SEMA3A: variants seen among roughly 807,000 people sequenced by gnomAD.
SEMA3A encodes semaphorin-3A.
SEMA3A carries 29 observed loss-of-function variants against 97.9 expected under a neutral mutation model. The ratio of observed to expected loss-of-function variants is 0.30; its 90% CI spans 0.22 to 0.40. SEMA3A has a LOEUF of 0.40. Ranked by LOEUF, SEMA3A falls within the 10% of genes least tolerant of loss-of-function variation. The pLI, the probability that SEMA3A is intolerant of heterozygous loss-of-function variation, is 1.00. For synonymous variants in SEMA3A, 321 were observed against 323.7 expected (o/e 0.99, Z 0.09); for missense variants, 763 against 951.3 (o/e 0.80, Z 2.60).
chr7:84,246,963 G>A (rs1056232871), intron 3 of SEMA3A, among the ~76,000 whole-genome samples: 2 of 151,926 alleles, frequency 1.3e-5, no homozygotes, highest in African/African-American at 4.8e-5. Flanking sequence ...TAATACAAAG[G>A]GATGACATGA....
chr7:84,468,386 G>C (rs1446335591), intron 1 of SEMA3A, among the ~76,000 whole-genome samples: 2 of 152,098 alleles, frequency 1.3e-5, no homozygotes, highest in Non-Finnish European at 2.9e-5. Context: ...TTATGTAATG[G>C]TTATAACTAC....
At chr7:84,094,637 G>A (rs1794699029) in intron 4 of SEMA3A, among the ~76,000 whole-genome samples, 1 of 151,786 alleles carries the variant, frequency 6.6e-6, no homozygotes, top group South Asian at 2.1e-4. Context: ...ACGTGATAGT[G>A]GAATCTATGT....
intron 3 of SEMA3A, among the ~76,000 whole-genome samples, chr7:84,262,484 G>C (rs1172988257): frequency 6.6e-6 from 1 of 152,162 alleles, no homozygotes; most frequent in Non-Finnish European, 1.5e-5. Flanking sequence ...CAAAGGCTGG[G>C]ATTACAGGTG....
chr7:84,029,049 T>C (rs1584566678), intron 6 of SEMA3A, among the ~76,000 whole-genome samples: 1 of 152,328 alleles, frequency 6.6e-6, no homozygotes, highest in South Asian at 2.1e-4. Flanking sequence ...TGCCTCAAAC[T>C]GAATTGCAGG....
intron 3 of SEMA3A, among the ~76,000 whole-genome samples, chr7:84,127,431 T>A (rs1454287839): frequency 6.6e-6 from 1 of 152,098 alleles, no homozygotes; most frequent in Non-Finnish European, 1.5e-5. Context: ...TTTCCACTTA[T>A]CCTTGTATTC....
At chr7:84,001,934 T>C (rs749140707) in intron 12 of SEMA3A, 21 bp downstream of exon 12, 15 of 1,561,616 alleles carry the variant, frequency 9.6e-6, no homozygotes, top group South Asian at 7.8e-5. Context: ...TTGTTGACAC[T>C]TGAAATTAAG....
intron 1 of SEMA3A, among the ~76,000 whole-genome samples, chr7:84,423,921 T>A: frequency 6.6e-6 from 1 of 151,880 alleles, no homozygotes; most frequent in East Asian, 1.9e-4. Context: ...ATCAGGGGAA[T>A]GCAAATTAAA....
intron 15 of SEMA3A, among the ~76,000 whole-genome samples, chr7:83,963,680 G>A (rs1232697668): frequency 6.6e-6 from 1 of 152,068 alleles, no homozygotes; most frequent in Non-Finnish European, 1.5e-5. Flanking sequence ...TATTTTCACT[G>A]CAAAACTCTG....
Position 83,993,371 on chromosome 7 carries a change from G to T in SEMA3A, c.1453-7894C>A, listed in dbSNP as rs1790047505. On this transcript the variant is annotated intron_variant, in intron 12 of 16. Coordinates refer to ENST00000265362, the MANE Select transcript of SEMA3A (RefSeq NM_006080.3). The stretch of plus-strand genomic sequence containing the variant: ...GATCCTGTCATTATGATGTTACCTG[G>T]TTATTTTGCTCGTTAGTTGATGCAG... Among the ~76,000 whole-genome samples the T allele has an allele frequency of 2.6e-5, 4 of 151,012 alleles. No homozygotes were observed. The South Asian group carries it at 8.4e-4, about 32-fold the overall frequency.
At chr7:84,481,179 T>C (rs1784808578) in intron 1 of SEMA3A, among the ~76,000 whole-genome samples, 1 of 152,168 alleles carries the variant, frequency 6.6e-6, no homozygotes, top group Admixed American at 6.5e-5. Flanking sequence ...AAGATACAAC[T>C]TAATGGTGGG....
intron 1 of SEMA3A, among the ~76,000 whole-genome samples, chr7:84,442,199 T>C (rs1805289229): frequency 6.6e-6 from 1 of 152,184 alleles, no homozygotes; most frequent in Non-Finnish European, 1.5e-5. Context: ...AAAACTAATG[T>C]CATTGTAACT....
At chr7:84,161,831 A>G (rs1159542616) in intron 1 of SEMA3A, among the ~76,000 whole-genome samples, 1 of 152,308 alleles carries the variant, frequency 6.6e-6, no homozygotes, top group East Asian at 1.9e-4. Context: ...AGTATATTCT[A>G]TTTTTAAAAT....
chr7:84,033,049 T>C (rs1220461478), intron 6 of SEMA3A, among the ~76,000 whole-genome samples: 8 of 152,080 alleles, frequency 5.3e-5, no homozygotes, highest in South Asian at 2.1e-4. Flanking sequence ...GGGAAAAAAA[T>C]TGCAAATTAC....
intron 2 of SEMA3A, among the ~76,000 whole-genome samples, chr7:84,340,873 T>TTATTTACA (rs891088205): frequency 6.6e-6 from 1 of 152,134 alleles, no homozygotes; most frequent in Non-Finnish European, 1.5e-5. Context: ...TCTGAGGCAT[T>TTATTTACA]TATTTACATA....
At chr7:84,056,250 T>C (rs919416207) in intron 5 of SEMA3A, among the ~76,000 whole-genome samples, 5 of 152,218 alleles carry the variant, frequency 3.3e-5, no homozygotes, top group Admixed American at 6.5e-5. Flanking sequence ...TGCATTTCTA[T>C]TATGGCTTAG....
intron 6 of SEMA3A, among the ~76,000 whole-genome samples, chr7:84,016,409 G>T (rs552935396): frequency 6.6e-6 from 1 of 151,956 alleles, no homozygotes; most frequent in Non-Finnish European, 1.5e-5. Flanking sequence ...GTGGTGGCGG[G>T]CTCCTGTAGT....
intron 12 of SEMA3A, among the ~76,000 whole-genome samples, chr7:83,999,750 TA>T (rs1277169508): frequency 1.3e-5 from 2 of 152,106 alleles, no homozygotes; most frequent in African/African-American, 2.4e-5. Context: ...AATACAGAAG[TA>T]AGAGACTCTG....
intron 3 of SEMA3A, among the ~76,000 whole-genome samples, chr7:84,262,380 G>T (rs1799879371): frequency 6.6e-6 from 1 of 151,804 alleles, no homozygotes; most frequent in African/African-American, 2.4e-5. Context: ...ATGCCCAGCT[G>T]ATTTTTGTAT....
intron 1 of SEMA3A, among the ~76,000 whole-genome samples, chr7:84,473,139 ATGG>A (rs1377502889): frequency 1.8e-4 from 21 of 114,920 alleles, no homozygotes; most frequent in Non-Finnish European, 1.6e-5. Flanking sequence ...GAAAAAAGAA[ATGG>A]TGTGTGTGTG....
Sources: allele counts gnomAD v4.1 joint callset (sites outside exome capture counted in the v4.1 genomes callset), GRCh38; gene constraint gnomAD v4.1.1; transcripts MANE v1.5; gene names NCBI Gene and HGNC (gene_info 2026-07-23, HGNC 2026-07-21).